DNAJC10: variants seen among roughly 807,000 people sequenced by gnomAD.
DNAJC10 encodes the protein DnaJ heat shock protein family (Hsp40) member C10, also known as endoplasmic reticulum disulfide reductase DNAJC10.
Under a neutral mutation model 115.0 loss-of-function variants are expected in DNAJC10, and 101 were observed. The ratio of observed to expected loss-of-function variants is 0.88; its 90% CI spans 0.75 to 1.04. DNAJC10 has a LOEUF of 1.04. Ranked by LOEUF, DNAJC10 falls within the 50% of genes least tolerant of loss-of-function variation. DNAJC10 has a pLI of 0.00. For synonymous variants in DNAJC10, 307 were observed against 301.5 expected, an observed-to-expected ratio of 1.02 and a Z score of -0.19; for missense variants, 981 against 928.8, an observed-to-expected ratio of 1.06 and a Z score of -0.73.
rs191634559 is a variant in DNAJC10, at chr2:182,766,551, G to A, written c.2265+3750G>A. On this transcript the variant is annotated intron_variant, in intron 22 of 23. Transcript: ENST00000264065. Reference sequence around the variant, plus strand: ...TCTAGGTTTTATCTCAGATAGCTCTGGCTTTCTTGCTACCCACAGAGGCCT... The same window carrying A: ...TCTAGGTTTTATCTCAGATAGCTCTAGCTTTCTTGCTACCCACAGAGGCCT... Among the ~76,000 whole-genome samples, 298 of 152,200 alleles carry A rather than the reference G, an allele frequency of 2.0e-3. 1 individual carries two copies. Among genetic ancestry groups the A allele is most frequent in the African/African-American group, 7.0e-3 (290 of 41,534 alleles).
At chr2:182,753,479 T>C (rs907239809) in intron 16 of DNAJC10, among the ~76,000 whole-genome samples, 1 of 152,088 alleles carries the variant, frequency 6.6e-6, no homozygotes, top group Non-Finnish European at 1.5e-5. Context: ...AGGCCTTTGG[T>C]TTTGAATGTT....
Position 182,746,032 on chromosome 2 carries a change from C to T in DNAJC10, c.1306+2320C>T, listed in dbSNP as rs181445625. Among the ~76,000 whole-genome samples the T allele has an allele frequency of 5.9e-5, 9 of 152,236 alleles. 1 individual carries two copies. The East Asian group carries it at 1.7e-3, about 29-fold the overall frequency. ...GATAGTTTACTGAGAATGATGATTT[C>T]CAGTTTCATCCATGTCCCTACAAAG... On this transcript the variant is annotated intron_variant, in intron 14 of 23. Coordinates refer to ENST00000264065, the MANE Select transcript of DNAJC10 (RefSeq NM_018981.4).
intron 14 of DNAJC10, among the ~76,000 whole-genome samples, chr2:182,745,490 A>C (rs1482623437): frequency 6.6e-6 from 1 of 152,170 alleles, no homozygotes; most frequent in Non-Finnish European, 1.5e-5. Context: ...ATGAATCTCC[A>C]AGCACTTCCT....
At chr2:182,730,694 T>C (rs1356776594) in intron 8 of DNAJC10, among the ~76,000 whole-genome samples, 1 of 152,130 alleles carries the variant, frequency 6.6e-6, no homozygotes. Flanking sequence ...ACTTCATGAA[T>C]CTGACAAAAA....
In DNAJC10 at chr2:182,741,335, A is replaced by G. The variant is rs757613976; in HGVS notation, c.1170A>G (p.Leu390=). 7.0e-6 allele frequency: 11 copies of G among 1,571,398 alleles called. No homozygotes were observed. The highest frequency in any genetic ancestry group is 1.4e-5 in the African/African-American group (1 of 73,176). The part of the protein sequence containing the change: ...NDPELKKLKT[L]LKNDHIQVGR... The stretch of plus-strand genomic sequence containing the variant: ...CTGAGCTGAAAAAACTAAAAACTCT[A>G]CTTAAAAATGATCATATTCAAGTAA... Residue 390 remains leucine, a synonymous_variant, in exon 13 of 24, where the codon CTA becomes CTG. Transcript: ENST00000264065.
At chr2:182,752,022 GT>G (rs1694034080) in intron 15 of DNAJC10, 49 bp from the exon 16 acceptor site, 3 of 1,455,678 alleles carry the variant, frequency 2.1e-6, no homozygotes, top group African/African-American at 1.4e-5. Context: ...TGATGGGGGG[GT>G]TTTTTGTGTC....
chr2:182,735,335 T>C (rs1168884565), intron 10 of DNAJC10, among the ~76,000 whole-genome samples: 1 of 151,966 alleles, frequency 6.6e-6, no homozygotes, highest in African/African-American at 2.4e-5. Context: ...AAATATGTTT[T>C]TTTCTAAGTT....
chr2:182,754,919 T>G, intron 16 of DNAJC10, 84 bp from the exon 17 acceptor site: 1 of 1,315,976 alleles, frequency 7.6e-7, no homozygotes, highest in Non-Finnish European at 1.1e-6. Flanking sequence ...CTTGTTCTTG[T>G]TACTTAAAGG....
At chr2:182,770,662 C>G (rs930716779) in intron 22 of DNAJC10, among the ~76,000 whole-genome samples, 2 of 152,108 alleles carry the variant, frequency 1.3e-5, no homozygotes, top group African/African-American at 4.8e-5. Context: ...GATTTTGTAT[C>G]CTGAGACTTT....
At chr2:182,749,697 A>G (rs938359768) in intron 14 of DNAJC10, among the ~76,000 whole-genome samples, 5 of 152,314 alleles carry the variant, frequency 3.3e-5, no homozygotes, top group South Asian at 2.1e-4. Flanking sequence ...GATTTTATGG[A>G]CAAGTTTTTA....
intron 21 of DNAJC10, among the ~76,000 whole-genome samples, chr2:182,759,886 G>T (rs1694248327): frequency 6.6e-6 from 1 of 151,662 alleles, no homozygotes; most frequent in South Asian, 2.1e-4. Context: ...TTTTCCATCT[G>T]CAATTGCTTA....
intron 23 of DNAJC10, among the ~76,000 whole-genome samples, chr2:182,776,351 C>T (rs901852611): frequency 1.6e-4 from 25 of 152,250 alleles, no homozygotes; most frequent in African/African-American, 5.3e-4. Context: ...GCAGCACAAC[C>T]TTTTTCCTGT....
chr2:182,770,770 T>C (rs540381125), intron 22 of DNAJC10, among the ~76,000 whole-genome samples: 3 of 152,344 alleles, frequency 2.0e-5, no homozygotes, highest in South Asian at 4.1e-4. Flanking sequence ...CAATTTGACT[T>C]CCTCATTTCC....
intron 7 of DNAJC10, 196 bp downstream of exon 7, chr2:182,729,190 C>A: frequency 1.9e-6 from 1 of 526,256 alleles, no homozygotes; most frequent in Admixed American, 3.4e-5. Flanking sequence ...ACTCTGTTGC[C>A]CAGGCTGGAG....
At chr2:182,769,157 A>C (rs1225691776) in intron 22 of DNAJC10, among the ~76,000 whole-genome samples, 1 of 152,066 alleles carries the variant, frequency 6.6e-6, no homozygotes, top group Non-Finnish European at 1.5e-5. Context: ...ACATGAACGC[A>C]TCCTTTTTTA....
At chr2:182,760,873 C>T (rs947292239) in intron 21 of DNAJC10, among the ~76,000 whole-genome samples, 1 of 152,100 alleles carries the variant, frequency 6.6e-6, no homozygotes, top group Non-Finnish European at 1.5e-5. Flanking sequence ...GAGGTTTATT[C>T]TTTCCATTCT....
In DNAJC10 at chr2:182,756,288, T is replaced by C. The variant is rs750086811; in HGVS notation, c.1654-26T>C. 5.7e-6 allele frequency: 9 copies of C among 1,592,282 alleles called. No homozygotes were observed. In the East Asian group the frequency reaches 2.0e-4, roughly 36 times the overall value. ...GAACAGCTATGCTTTATATATATGTTATAATGGAAGCTATATTCTCTTCAG... is the reference window on the plus strand; with the variant it reads ...GAACAGCTATGCTTTATATATATGTCATAATGGAAGCTATATTCTCTTCAG... On this transcript the variant is annotated intron_variant, in intron 17 of 23. Coordinates refer to ENST00000264065, the MANE Select transcript of DNAJC10 (RefSeq NM_018981.4).
chr2:182,740,025 ACAT>A, intron 11 of DNAJC10: 1 of 1,022,552 alleles, frequency 9.8e-7, no homozygotes, highest in Non-Finnish European at 1.2e-6. Flanking sequence ...TATAGAATAC[ACAT>A]CATAGTTAAT....
rs1178033527 is a variant in DNAJC10 at position 182,788,776 on chromosome 2, C to T, written c.*11644C>T. 2.2e-6 allele frequency: 1 copy of T among 452,204 alleles called. No homozygotes were observed. The highest frequency in any genetic ancestry group is 1.6e-5 in the South Asian group (1 of 62,830). The allele number at this position is 452,204 out of a possible 1,614,324, so 28.0% of individuals were successfully genotyped here. ...GAAAGGTAGACTATTCAGAAGTTTT[C>T]TAAAATGGACTTCAAGCTCTATGAC... On this transcript the variant is annotated 3_prime_UTR_variant, in exon 24 of 24. Transcript: ENST00000264065.
Sources: gnomAD v4.1 joint callset for allele counts (sites outside exome capture counted in the v4.1 genomes callset) on GRCh38, gnomAD v4.1.1 for gene constraint, MANE v1.5 for transcripts, NCBI Gene and HGNC (gene_info 2026-07-23, HGNC 2026-07-21) for gene names.